PAPPA: variants seen among roughly 807,000 people sequenced by gnomAD.
PAPPA encodes pappalysin-1.
PAPPA carries 60 observed loss-of-function variants against 164.0 expected under a neutral mutation model. That is an observed-to-expected ratio of 0.37 (90% confidence interval 0.30 to 0.45). The LOEUF is 0.45. PAPPA is among the 20% of genes least tolerant of loss of function. PAPPA has a pLI of 1.00. For missense variants in PAPPA, 1,782 were observed against 2,087.3 expected, an observed-to-expected ratio of 0.85 and a Z score of 2.85; for synonymous variants, 875 against 814.1, an observed-to-expected ratio of 1.07 and a Z score of -1.27.
At chr9:116,395,142 G>A (rs1846945958) in intron 21 of PAPPA, among the ~76,000 whole-genome samples, 1 of 152,128 alleles carries the variant, frequency 6.6e-6, no homozygotes, top group South Asian at 2.1e-4. Context: ...TTAAATGAAT[G>A]AGTTCATTGA....
At chr9:116,336,668 T>C (rs1455077723) in intron 13 of PAPPA, among the ~76,000 whole-genome samples, 1 of 152,218 alleles carries the variant, frequency 6.6e-6, no homozygotes, top group Non-Finnish European at 1.5e-5. Context: ...CACTGAAACA[T>C]ATCGATTGAT....
intron 2 of PAPPA, among the ~76,000 whole-genome samples, chr9:116,203,623 A>G (rs1844197438): frequency 6.6e-6 from 1 of 152,146 alleles, no homozygotes. Context: ...TAATGCAGTA[A>G]AAGGAGCCTA....
chr9:116,361,974 A>G (rs1588020531), intron 17 of PAPPA, among the ~76,000 whole-genome samples: 1 of 152,216 alleles, frequency 6.6e-6, no homozygotes, highest in African/African-American at 2.4e-5. Flanking sequence ...AAGCACAGAT[A>G]TATAAGTATC....
chr9:116,191,309 C>T (rs1364700866), intron 2 of PAPPA, among the ~76,000 whole-genome samples: 26 of 152,144 alleles, frequency 1.7e-4, no homozygotes. Flanking sequence ...CAGAAGCATG[C>T]AAGTCAGTAC....
At chr9:116,199,332 G>A (rs188016862) in intron 2 of PAPPA, among the ~76,000 whole-genome samples, 2 of 152,328 alleles carry the variant, frequency 1.3e-5, no homozygotes, top group African/African-American at 2.4e-5. Context: ...TTGATATGTA[G>A]TGTCTGTGAC....
At chr9:116,288,393 A>G (rs1845368572) in intron 9 of PAPPA, among the ~76,000 whole-genome samples, 1 of 151,392 alleles carries the variant, frequency 6.6e-6, no homozygotes, top group African/African-American at 2.4e-5. Context: ...AAAAAGAGAA[A>G]AGATTTAGGA....
At chr9:116,300,428 C>T (rs1450160566) in intron 9 of PAPPA, among the ~76,000 whole-genome samples, 2 of 152,092 alleles carry the variant, frequency 1.3e-5, no homozygotes, top group East Asian at 3.9e-4. Context: ...CAGATGTGCA[C>T]CACTGTGCCC....
Position 116,275,558 on chromosome 9 carries a change from T to C in PAPPA, c.2953+4142T>C, listed in dbSNP as rs533969239. ...CCTGGCTTTTTCTACTCTGCCACTCTGCCTCTCCATTTGAATGACTTTCTT... is the reference window on the plus strand; with the variant it reads ...CCTGGCTTTTTCTACTCTGCCACTCCGCCTCTCCATTTGAATGACTTTCTT... On this transcript the variant is annotated intron_variant, in intron 9 of 21. Coordinates refer to ENST00000328252, the MANE Select transcript of PAPPA (RefSeq NM_002581.5). Among the ~76,000 whole-genome samples the C allele has an allele frequency of 5.9e-5, 9 of 152,284 alleles. No homozygotes were observed. In the East Asian group the frequency reaches 1.7e-3, roughly 29 times the overall value.
intron 10 of PAPPA, among the ~76,000 whole-genome samples, chr9:116,327,371 G>A (rs1845934307): frequency 6.6e-6 from 1 of 152,176 alleles, no homozygotes; most frequent in Non-Finnish European, 1.5e-5. Flanking sequence ...GGGGGAAAAG[G>A]TTAAGATTGG....
At chr9:116,226,843 T>A (rs1844517002) in intron 5 of PAPPA, among the ~76,000 whole-genome samples, 1 of 152,216 alleles carries the variant, frequency 6.6e-6, no homozygotes, top group African/African-American at 2.4e-5. Context: ...ATGAATTAGA[T>A]GGCATGGTAG....
intron 4 of PAPPA, among the ~76,000 whole-genome samples, chr9:116,219,480 A>G (rs1339973228): frequency 6.6e-6 from 1 of 152,254 alleles, no homozygotes; most frequent in Non-Finnish European, 1.5e-5. Flanking sequence ...AGTTGGAACC[A>G]GTGAGTGCAT....
chr9:116,205,876 TAAAGTGGA>T (rs1683104254), intron 2 of PAPPA, among the ~76,000 whole-genome samples: 1 of 152,076 alleles, frequency 6.6e-6, no homozygotes, highest in Non-Finnish European at 1.5e-5. Flanking sequence ...GGCCCAGACA[TAAAGTGGA>T]AAAGCTGGAT....
chr9:116,258,532 T>C (rs985146408), intron 7 of PAPPA, among the ~76,000 whole-genome samples: 2 of 152,034 alleles, frequency 1.3e-5, no homozygotes, highest in Non-Finnish European at 2.9e-5. Context: ...GGCGCATGCC[T>C]GTAATCCCAG....
intron 2 of PAPPA, among the ~76,000 whole-genome samples, chr9:116,195,835 C>T (rs758540179): frequency 2.6e-5 from 4 of 152,212 alleles, no homozygotes; most frequent in Admixed American, 6.5e-5. Flanking sequence ...TAATCAACCA[C>T]TCTGTACTAC....
intron 4 of PAPPA, among the ~76,000 whole-genome samples, chr9:116,216,928 G>A (rs1480042647): frequency 1.3e-5 from 2 of 151,910 alleles, no homozygotes; most frequent in African/African-American, 4.8e-5. Context: ...TTTTGGTGGA[G>A]ACAGGGTTTC....
At chr9:116,236,185 G>C (rs1844663036) in intron 7 of PAPPA, among the ~76,000 whole-genome samples, 1 of 152,124 alleles carries the variant, frequency 6.6e-6, no homozygotes. Context: ...TCCTGAGGCA[G>C]AACAGTGGTT....
chr9:116,176,499 C>T (rs1453801522), intron 1 of PAPPA, among the ~76,000 whole-genome samples: 2 of 152,096 alleles, frequency 1.3e-5, no homozygotes, highest in Non-Finnish European at 2.9e-5. Flanking sequence ...TAATAGGATG[C>T]TCATTTTACC....
intron 6 of PAPPA, among the ~76,000 whole-genome samples, chr9:116,233,043 G>A (rs1379818685): frequency 6.6e-6 from 1 of 152,180 alleles, no homozygotes; most frequent in Non-Finnish European, 1.5e-5. Context: ...GGGGTGGAAT[G>A]TTCACCTGGC....
chr9:116,386,170 T>G (rs1846808327), intron 21 of PAPPA, among the ~76,000 whole-genome samples: 1 of 152,190 alleles, frequency 6.6e-6, no homozygotes, highest in South Asian at 2.1e-4. Flanking sequence ...ATTTCAGTTG[T>G]GGACAGGTGT....
Sources: allele counts gnomAD v4.1 joint callset (sites outside exome capture counted in the v4.1 genomes callset), GRCh38; gene constraint gnomAD v4.1.1; transcripts MANE v1.5; gene names NCBI Gene and HGNC (gene_info 2026-07-23, HGNC 2026-07-21).